DLC1: variants seen among roughly 807,000 people sequenced by gnomAD.
DLC1 encodes rho GTPase-activating protein 7.
Under a neutral mutation model 140.3 loss-of-function variants are expected in DLC1, and 54 were observed. The ratio of observed to expected loss-of-function variants is 0.38; its 90% CI spans 0.31 to 0.48. The LOEUF is 0.48. Among genes scored for constraint, DLC1 ranks in the 20% least tolerant of loss-of-function variants. DLC1 has a pLI of 0.96. For missense variants in DLC1, 2,536 were observed against 1,907.0 expected, an observed-to-expected ratio of 1.33 and a Z score of -6.14; for synonymous variants, 986 against 728.1, an observed-to-expected ratio of 1.35 and a Z score of -5.70.
In DLC1 at chr8:13,164,314, A is replaced by ATATCTATCTATC. The variant is rs531754750; in HGVS notation, c.1349-48669_1349-48658dup. Among the ~76,000 whole-genome samples, 350 of 148,832 alleles carry ATATCTATCTATC rather than the reference A, an allele frequency of 2.4e-3. 1 individual carries two copies. Among genetic ancestry groups the ATATCTATCTATC allele is most frequent in the African/African-American group, 8.1e-3 (320 of 39,456 alleles). On this transcript the variant is annotated intron_variant, in intron 5 of 17. Coordinates refer to ENST00000276297, the MANE Select transcript of DLC1 (RefSeq NM_182643.3). ...CTTCTCTCAAAAAAAAAAAATCTCT[A>ATATCTATCTATC]TATCTATCTATCTATCTGTCTGTCT...
intron 1 of DLC1, among the ~76,000 whole-genome samples, chr8:13,583,582 A>G (rs186244592): frequency 6.6e-6 from 1 of 152,230 alleles, no homozygotes; most frequent in Non-Finnish European, 1.5e-5. Flanking sequence ...AAAAAATGCA[A>G]TATAAGTTAG....
intron 2 of DLC1, among the ~76,000 whole-genome samples, chr8:13,412,995 T>C (rs73205787): frequency 6.6e-6 from 1 of 150,928 alleles, no homozygotes; most frequent in African/African-American, 2.4e-5. Context: ...AGGGTTCATG[T>C]TTAATGAGCA....
intron 1 of DLC1, among the ~76,000 whole-genome samples, chr8:13,521,840 T>A (rs1345297010): frequency 6.6e-6 from 1 of 152,166 alleles, no homozygotes; most frequent in East Asian, 1.9e-4. Context: ...ACATACCAAG[T>A]GAAAATGCTT....
At chr8:13,314,894 G>A (rs964177162) in intron 4 of DLC1, among the ~76,000 whole-genome samples, 4 of 152,172 alleles carry the variant, frequency 2.6e-5, no homozygotes, top group African/African-American at 9.7e-5. Context: ...ATTCATTGTA[G>A]TGGTAACCAC....
At chr8:13,397,337 T>A (rs990571993) in intron 3 of DLC1, among the ~76,000 whole-genome samples, 1 of 152,042 alleles carries the variant, frequency 6.6e-6, no homozygotes, top group Non-Finnish European at 1.5e-5. Flanking sequence ...GAGGAGCCAC[T>A]GAAGGGTCTG....
At chr8:13,209,297 A>T (rs889706024) in intron 5 of DLC1, among the ~76,000 whole-genome samples, 33 of 152,284 alleles carry the variant, frequency 2.2e-4, no homozygotes, top group African/African-American at 7.9e-4. Context: ...GAGTCCATGC[A>T]ATCTTAATTT....
upstream of DLC1, among the ~76,000 whole-genome samples, chr8:13,517,830 G>A (rs185421117): frequency 3.3e-5 from 5 of 152,334 alleles, no homozygotes; most frequent in East Asian, 9.6e-4. Flanking sequence ...GGGTGAGGAT[G>A]TCTTAGCTTC....
intron 1 of DLC1, among the ~76,000 whole-genome samples, chr8:13,574,333 C>T (rs1804764308): frequency 1.3e-5 from 2 of 152,164 alleles, no homozygotes; most frequent in Admixed American, 6.5e-5. Context: ...TAATTTTAGA[C>T]ATATTTGATG....
intron 1 of DLC1, chr8:13,567,928 G>A (rs185450144): frequency 3.2e-6 from 5 of 1,549,466 alleles, no homozygotes; most frequent in Admixed American, 2.0e-5. Flanking sequence ...ACCAGAGCTG[G>A]TGATTGTTAA....
At chr8:13,596,983 T>C (rs767729597) in intron 1 of DLC1, among the ~76,000 whole-genome samples, 41 of 151,972 alleles carry the variant, frequency 2.7e-4, no homozygotes, top group Non-Finnish European at 5.0e-4. Context: ...TTGTTTTTTC[T>C]ATGTTCGTTT....
chr8:13,596,579 T>C (rs1805687574), intron 1 of DLC1, among the ~76,000 whole-genome samples: 1 of 152,020 alleles, frequency 6.6e-6, no homozygotes, highest in Non-Finnish European at 1.5e-5. Flanking sequence ...TAAAGAGTGC[T>C]TGTGCTTTGA....
At chr8:13,561,499 A>T (rs1466972582) in intron 1 of DLC1, among the ~76,000 whole-genome samples, 1 of 152,166 alleles carries the variant, frequency 6.6e-6, no homozygotes, top group East Asian at 1.9e-4. Context: ...TTTTGCTTAA[A>T]CTTATTTTTT....
chr8:13,453,063 T>G (rs1376234260), intron 2 of DLC1, among the ~76,000 whole-genome samples: 1 of 151,888 alleles, frequency 6.6e-6, no homozygotes, highest in Non-Finnish European at 1.5e-5. Flanking sequence ...TAATCCTCAT[T>G]TTATAGAAGA....
At position 13,161,005 on chromosome 8, in the gene DLC1, C is replaced by T. The variant is rs185592383; in HGVS notation, c.1349-45348G>A. Among the ~76,000 whole-genome samples, 77 of 152,238 alleles carry T rather than the reference C, an allele frequency of 5.1e-4. 1 individual carries two copies. The East Asian group carries it at 0.014, about 27-fold the overall frequency. ...CGGAGGCAGGAGAATGGCACGAACC[C>T]GGGAGGCAGAGCTTGCAGTGAGCCG... On this transcript the variant is annotated intron_variant, in intron 5 of 17. Coordinates refer to ENST00000276297, the MANE Select transcript of DLC1 (RefSeq NM_182643.3).
At chr8:13,468,808 CTGCTTTTTT>C (rs1319093053) in intron 2 of DLC1, among the ~76,000 whole-genome samples, 1 of 83,960 alleles carries the variant, frequency 1.2e-5, no homozygotes, top group East Asian at 5.1e-4. Context: ...AATTTTATGT[CTGCTTTTTT>C]TTTTTTTTTT....
chr8:13,588,186 A>T (rs1326594158), intron 1 of DLC1, among the ~76,000 whole-genome samples: 2 of 152,096 alleles, frequency 1.3e-5, no homozygotes, highest in Non-Finnish European at 2.9e-5. Flanking sequence ...ATGGCAGAGA[A>T]AACAGATGAA....
At chr8:13,117,038 C>A (rs1820612910) in intron 5 of DLC1, among the ~76,000 whole-genome samples, 1 of 152,020 alleles carries the variant, frequency 6.6e-6, no homozygotes, top group South Asian at 2.1e-4. Flanking sequence ...TTTGAGCTTA[C>A]TTTTTTTTCG....
intron 1 of DLC1, among the ~76,000 whole-genome samples, chr8:13,595,107 C>G (rs1410403565): frequency 6.6e-6 from 1 of 151,964 alleles, no homozygotes; most frequent in Non-Finnish European, 1.5e-5. Context: ...CCAATGATCA[C>G]TTGTGAAATT....
intron 2 of DLC1, among the ~76,000 whole-genome samples, chr8:13,478,379 A>G (rs1430142806): frequency 6.6e-6 from 1 of 152,188 alleles, no homozygotes; most frequent in Non-Finnish European, 1.5e-5. Context: ...GAAACCTCCC[A>G]CCAGGTCCCA....
Sources: allele counts gnomAD v4.1 joint callset (sites outside exome capture counted in the v4.1 genomes callset), GRCh38; gene constraint gnomAD v4.1.1; transcripts MANE v1.5; gene names NCBI Gene and HGNC (gene_info 2026-07-23, HGNC 2026-07-21).